The following PYGO1 variants were observed in gnomAD, a reference collection of about 807,000 sequenced individuals.
PYGO1 encodes pygopus family PHD finger 1, also known as pygopus homolog 1.
A neutral mutation model predicts 29.5 loss-of-function variants in PYGO1; 6 were observed. The observed-to-expected ratio is 0.20, with a 90% confidence interval of 0.11 to 0.40. The LOEUF (loss-of-function observed/expected upper bound fraction) is 0.40, where lower values mean the gene tolerates loss of function less well. Among genes scored for constraint, PYGO1 ranks in the 10% least tolerant of loss-of-function variants. PYGO1 has a pLI of 1.00. For synonymous variants in PYGO1, 186 were observed against 180.5 expected, an observed-to-expected ratio of 1.03 and a Z score of -0.24; for missense variants, 515 against 514.9, an observed-to-expected ratio of 1.00 and a Z score of 0.00.
At chr15:55,561,556 A>C (rs868776335) in intron 1 of PYGO1, among the ~76,000 whole-genome samples, 1 of 152,186 alleles carries the variant, frequency 6.6e-6, no homozygotes, top group East Asian at 1.9e-4. Context: ...TCGTATCACA[A>C]GAATAGCATG....
intron 1 of PYGO1, among the ~76,000 whole-genome samples, chr15:55,549,641 G>A (rs1368947906): frequency 6.6e-6 from 1 of 152,084 alleles, no homozygotes; most frequent in Non-Finnish European, 1.5e-5. Context: ...TGGCATCAAA[G>A]GTATGTGCCT....
In PYGO1 at chr15:55,540,784, CAAAAA is replaced by C. The variant is rs903245185; in HGVS notation, c.*5234_*5238del. Reference sequence around the variant, plus strand: ...CTTTAGACATGTTCTAAGAACAAAACAAAAAGTTACTGCAAAAATACATGTCACCA... The same window carrying C: ...CTTTAGACATGTTCTAAGAACAAAACGTTACTGCAAAAATACATGTCACCA... On this transcript the variant is annotated 3_prime_UTR_variant, in exon 3 of 3. Transcript: ENST00000563719. The C allele has an allele frequency of 6.6e-6, 1 of 151,924 alleles. No individual in the cohort carries two copies. Among genetic ancestry groups the C allele is most frequent in the Non-Finnish European group, 1.5e-5 (1 of 67,942 alleles). The allele number at this position is 151,924 out of a possible 1,614,324, so 9.4% of individuals were successfully genotyped here.
At chr15:55,564,920 G>T (rs1438795792) in intron 1 of PYGO1, among the ~76,000 whole-genome samples, 1 of 152,012 alleles carries the variant, frequency 6.6e-6, no homozygotes, top group Non-Finnish European at 1.5e-5. Flanking sequence ...AATTCCCTGT[G>T]GTTGTAGGAT....
intron 1 of PYGO1, among the ~76,000 whole-genome samples, chr15:55,565,970 C>G (rs2058954593): frequency 6.6e-6 from 1 of 152,118 alleles, no homozygotes; most frequent in Non-Finnish European, 1.5e-5. Context: ...TTAGTAGAGA[C>G]AGCGGTTCTA....
chr15:55,587,698 G>A (rs1297955532), intron 1 of PYGO1, 137 bp downstream of exon 1: 49 of 1,180,206 alleles, frequency 4.2e-5, no homozygotes, highest in Non-Finnish European at 4.9e-5. Context: ...CGCAGCCTCG[G>A]CCCCGGGGTG....
In PYGO1 at chr15:55,546,533, A is replaced by G; in HGVS notation, c.750T>C (p.Asn250=). ...GAGGTGGATGAGCAGAGGAATTTTG[A>G]TTAGTGTTTTTGGTTGCTCCTTGAG... is the stretch of plus-strand genomic sequence containing the variant. The part of the protein sequence containing the change: ...DFTQGATKNT[N]QNSSAHPPHL... Residue 250 remains asparagine (N), a synonymous_variant, in exon 3 of 3, where the codon AAT becomes AAC. Transcript: ENST00000563719. The G allele has an allele frequency of 2.5e-6, 4 of 1,614,018 alleles. No individual in the cohort carries two copies. The highest frequency in any genetic ancestry group is 1.3e-5 in the African/African-American group (1 of 74,970).
At chr15:55,555,123 G>A (rs983616026) in intron 1 of PYGO1, among the ~76,000 whole-genome samples, 9 of 151,984 alleles carry the variant, frequency 5.9e-5, no homozygotes, top group Admixed American at 3.9e-4. Flanking sequence ...AGGCCAGGTC[G>A]CCTACAAAGG....
At chr15:55,569,426 A>G (rs925914521) in intron 1 of PYGO1, among the ~76,000 whole-genome samples, 2 of 152,110 alleles carry the variant, frequency 1.3e-5, no homozygotes, top group African/African-American at 2.4e-5. Context: ...TCAGTGCTAC[A>G]TATGCTCCTT....
upstream of PYGO1, among the ~76,000 whole-genome samples, chr15:55,588,586 C>T (rs982065461): frequency 2.1e-5 from 3 of 140,504 alleles, no homozygotes; most frequent in Non-Finnish European, 4.7e-5. Flanking sequence ...CTCGCGGGCC[C>T]GCGGCTCTTG....
chr15:55,556,470 C>T (rs752060820), intron 1 of PYGO1, among the ~76,000 whole-genome samples: 3 of 152,076 alleles, frequency 2.0e-5, no homozygotes, highest in Non-Finnish European at 4.4e-5. Flanking sequence ...AGACAATGTA[C>T]CAGAATCTCT....
In PYGO1 at chr15:55,587,852, G is replaced by A. The variant is rs2059055546; in HGVS notation, c.32C>T (p.Ser11Leu). MSAEQEKDPISLKRVRGGDSG... is the reference protein window; with the variant it reads MSAEQEKDPILLKRVRGGDSG... ...TCGGTTACCTCGAACTCTCTTCAGC[G>A]AAATGGGATCCTTCTCCTGTTCTGC... is the stretch of plus-strand genomic sequence containing the variant. Residue 11 changes from serine to leucine, a missense_variant, in exon 1 of 3, where the codon TCG becomes TTG. Transcript: ENST00000563719. 10 of 1,494,738 alleles carry A rather than the reference G, an allele frequency of 6.7e-6. No homozygotes were observed. Among genetic ancestry groups the A allele is most frequent in the African/African-American group, 1.4e-5 (1 of 70,002 alleles). 92.6% of individuals were successfully genotyped at this position (1,494,738 alleles called of 1,614,324 possible).
chr15:55,553,399 C>CT lies in PYGO1; in HGVS notation c.50-4405dup, dbSNP rs199785590. ...TATCAAAAAGCAGCCAGACTGCTTC[C>CT]TTTTTTTTTTTTTTTAAGAAGGAGT... On this transcript the variant is annotated intron_variant, in intron 1 of 2. Transcript: ENST00000563719. Among the ~76,000 whole-genome samples, 555 of 143,254 alleles carry CT rather than the reference C, an allele frequency of 3.9e-3. 4 individuals carry two copies. The highest frequency in any genetic ancestry group is 8.5e-3 in the East Asian group (42 of 4,964). The allele number at this position is 143,254 out of a possible 152,430, so 94.0% of individuals were successfully genotyped here.
At chr15:55,553,329 C>T (rs563033778) in intron 1 of PYGO1, among the ~76,000 whole-genome samples, 1 of 152,190 alleles carries the variant, frequency 6.6e-6, no homozygotes, top group South Asian at 2.1e-4. Flanking sequence ...AGAATCTAGG[C>T]AGTCTGGACA....
intron 1 of PYGO1, 138 bp downstream of exon 1, chr15:55,587,697 G>A (rs1274900381): frequency 8.5e-7 from 1 of 1,173,252 alleles, no homozygotes; most frequent in Non-Finnish European, 1.1e-6. Flanking sequence ...TCGCAGCCTC[G>A]GCCCCGGGGT....
chr15:55,556,327 G>A (rs1005305258), intron 1 of PYGO1, among the ~76,000 whole-genome samples: 1 of 152,026 alleles, frequency 6.6e-6, no homozygotes, highest in Non-Finnish European at 1.5e-5. Flanking sequence ...AATCAAATGA[G>A]AACTCAAAAC....
intron 1 of PYGO1, among the ~76,000 whole-genome samples, chr15:55,571,863 A>G (rs2058981623): frequency 6.6e-6 from 1 of 151,814 alleles, no homozygotes; most frequent in African/African-American, 2.4e-5. Flanking sequence ...TCATATCTTT[A>G]CTCCATTTGG....
At chr15:55,573,640 G>A (rs1227458709) in intron 1 of PYGO1, among the ~76,000 whole-genome samples, 1 of 152,124 alleles carries the variant, frequency 6.6e-6, no homozygotes, top group African/African-American at 2.4e-5. Flanking sequence ...TATACATTGT[G>A]ATATAGTTGA....
chr15:55,588,863 A>G, upstream of PYGO1: 1 of 1,613,612 alleles, frequency 6.2e-7, no homozygotes, highest in Non-Finnish European at 8.5e-7. Context: ...GTGGGGATCC[A>G]GATTCCCCGA....
At position 55,544,858 on chromosome 15, in the gene PYGO1, A is replaced by C. The variant is rs1677235; in HGVS notation, c.*1165T>G. On this transcript the variant is annotated 3_prime_UTR_variant, in exon 3 of 3. Transcript: ENST00000563719. ...GCTGTTTTGAATCTTAATGAGCACA[A>C]CTCCAACTGTCTCCATTCTTGATCA... 151,265 of 152,242 alleles carry C rather than the reference A, an allele frequency of 0.99. 75,193 individuals are homozygous for C. Among genetic ancestry groups the C allele is most frequent in the Non-Finnish European group, 1 (67,995 of 68,036 alleles). 9.4% of individuals were successfully genotyped at this position (152,242 alleles called of 1,614,324 possible).
Sources: gnomAD v4.1 joint callset for allele counts (sites outside exome capture counted in the v4.1 genomes callset) on GRCh38, gnomAD v4.1.1 for gene constraint, MANE v1.5 for transcripts, NCBI Gene and HGNC (gene_info 2026-07-23, HGNC 2026-07-21) for gene names.